The following FAM133B variants were observed in gnomAD, a reference collection of about 807,000 sequenced individuals.
The protein encoded by FAM133B is protein FAM133B.
In FAM133B, 25 loss-of-function variants were observed where a neutral mutation model predicts 46.4. The ratio of observed to expected loss-of-function variants is 0.54; its 90% confidence interval spans 0.39 to 0.75. The LOEUF is 0.75. FAM133B is among the 30% of genes least tolerant of loss of function. The pLI, the probability that FAM133B is intolerant of heterozygous loss-of-function variation, is 0.00. For synonymous variants in FAM133B, 75 were observed against 86.0 expected (o/e 0.87, Z 0.71); for missense variants, 205 against 277.6 (o/e 0.74, Z 1.86).
intron 1 of FAM133B, 158 bp downstream of exon 1, chr7:92,590,110 C>T: frequency 9.5e-7 from 1 of 1,054,362 alleles, no homozygotes; most frequent in Non-Finnish European, 1.4e-6. Context: ...GCGTGCGCGG[C>T]GCACGCGCAT....
chr7:92,581,869 G>A, intron 1 of FAM133B: 1 of 334,914 alleles, frequency 3.0e-6, no homozygotes. Context: ...AGATACCTCT[G>A]ACCTACTGAT....
At chr7:92,568,524 ATT>A (rs745580425) in intron 9 of FAM133B, among the ~76,000 whole-genome samples, 157 of 118,194 alleles carry the variant, frequency 1.3e-3, no homozygotes, top group African/African-American at 3.9e-3. Context: ...CGCCTGGCTA[ATT>A]TTTTTTTTTT....
chr7:92,572,858 T>A (rs1221336284), intron 8 of FAM133B, among the ~76,000 whole-genome samples: 1 of 152,144 alleles, frequency 6.6e-6, no homozygotes, highest in African/African-American at 2.4e-5. Context: ...ATAATTGTGG[T>A]GGATTAATTA....
chr7:92,565,695 C>T (rs372846776), intron 10 of FAM133B: 21 of 256,942 alleles, frequency 8.2e-5, no homozygotes, highest in Middle Eastern at 1.4e-3. Context: ...GAGCTCCTGA[C>T]CTCATGATCC....
In FAM133B at chr7:92,579,887, T is replaced by TTAA. The variant is rs1199050664; in HGVS notation, c.123-495_123-493dup. Among the ~76,000 whole-genome samples, 3 of 152,176 alleles carry TTAA rather than the reference T, an allele frequency of 2.0e-5. No homozygotes were observed. The East Asian group carries it at 5.8e-4, about 29-fold the overall frequency. On this transcript the variant is annotated intron_variant, in intron 2 of 10. Transcript: ENST00000445716. ...ACCTAACATGCTGTGCAGAGAAGAG[T>TTAA]TAATACAGCTCGCCTGACTGCTTAA...
At chr7:92,577,045 CA>C (rs1168343133) in intron 7 of FAM133B, 57 bp downstream of exon 7, 1 of 1,083,554 alleles carries the variant, frequency 9.2e-7, no homozygotes, top group Non-Finnish European at 1.3e-6. Flanking sequence ...CAACTTTAGG[CA>C]GAAAAACTTA....
At chr7:92,564,337 T>C (rs1410936843) in intron 10 of FAM133B, among the ~76,000 whole-genome samples, 1 of 152,226 alleles carries the variant, frequency 6.6e-6, no homozygotes, top group Admixed American at 6.5e-5. Flanking sequence ...TATCATATTC[T>C]TCTATCTCAT....
intron 1 of FAM133B, 103 bp downstream of exon 1, chr7:92,590,165 G>A (rs1033185873): frequency 3.8e-5 from 60 of 1,581,990 alleles, no homozygotes; most frequent in Non-Finnish European, 4.8e-5. Context: ...CCACGTCTGA[G>A]GGCTGCCGCT....
chr7:92,590,078 T>A (rs1368072054), intron 1 of FAM133B, 190 bp downstream of exon 1: 2 of 712,352 alleles, frequency 2.8e-6, no homozygotes, highest in Non-Finnish European at 4.6e-6. Flanking sequence ...AAGAGAGAGC[T>A]GGGAACCCTA....
At position 92,566,177 on chromosome 7, in the gene FAM133B, G is replaced by A. The variant is rs887982508; in HGVS notation, c.610-116C>T. The A allele has an allele frequency of 4.3e-5, 39 of 898,486 alleles. No homozygotes were observed. In the South Asian group the frequency reaches 4.6e-4, roughly 11 times the overall value. The allele number at this position is 898,486 out of a possible 1,614,324, so 55.7% of individuals were successfully genotyped here. A position where few individuals can be genotyped will look rare whatever the true frequency, so the allele number is the denominator to read the frequency against. On this transcript the variant is annotated intron_variant, in intron 9 of 10. Transcript: ENST00000445716. ...AAAATTTAAATGTAAAAAACATTTT[G>A]ACAATCACAGGACATTTAAAATAAC...
chr7:92,575,381 G>C (rs1004950126), intron 8 of FAM133B, among the ~76,000 whole-genome samples: 1 of 152,112 alleles, frequency 6.6e-6, no homozygotes, highest in African/African-American at 2.4e-5. Context: ...GCTGAGGCAG[G>C]AAAATCGCTT....
intron 8 of FAM133B, among the ~76,000 whole-genome samples, chr7:92,570,749 A>C (rs997652121): frequency 2.0e-5 from 3 of 152,168 alleles, no homozygotes; most frequent in Non-Finnish European, 4.4e-5. Context: ...AAAATAAACT[A>C]ACAGTGATGA....
chr7:92,573,784 G>C (rs1031528598), intron 8 of FAM133B, among the ~76,000 whole-genome samples: 1 of 151,504 alleles, frequency 6.6e-6, no homozygotes, highest in Non-Finnish European at 1.5e-5. Context: ...TTCTTTCCTT[G>C]ATCAGTTAAT....
intron 1 of FAM133B, among the ~76,000 whole-genome samples, chr7:92,585,700 A>G (rs920783609): frequency 6.6e-6 from 1 of 152,190 alleles, no homozygotes; most frequent in African/African-American, 2.4e-5. Context: ...AATAACTAAA[A>G]ATTTAAAAAT....
intron 9 of FAM133B, among the ~76,000 whole-genome samples, chr7:92,568,037 A>G (rs1794415549): frequency 6.6e-6 from 1 of 151,956 alleles, no homozygotes; most frequent in Non-Finnish European, 1.5e-5. Flanking sequence ...GTGCTGGGAT[A>G]CAGGCGTGAA....
chr7:92,586,406 T>C (rs1212080215), intron 1 of FAM133B, among the ~76,000 whole-genome samples: 1 of 152,228 alleles, frequency 6.6e-6, no homozygotes, highest in Non-Finnish European at 1.5e-5. Flanking sequence ...GCAACTATTT[T>C]CACAAAGGTA....
chr7:92,565,890 C>A, intron 10 of FAM133B, 124 bp downstream of exon 10: 1 of 1,034,224 alleles, frequency 9.7e-7, no homozygotes, highest in Non-Finnish European at 1.5e-6. Context: ...GCTGAACACA[C>A]CACACCTTTC....
At chr7:92,583,146 T>TA (rs139438847) in intron 1 of FAM133B, among the ~76,000 whole-genome samples, 1 of 152,150 alleles carries the variant, frequency 6.6e-6, no homozygotes, top group Non-Finnish European at 1.5e-5. Flanking sequence ...TATTCAGCCT[T>TA]AAAAAAGAAT....
At chr7:92,573,661 T>C in intron 8 of FAM133B, among the ~76,000 whole-genome samples, 1 of 147,268 alleles carries the variant, frequency 6.8e-6, no homozygotes, top group South Asian at 2.1e-4. Context: ...TCACACATAC[T>C]TTTTTTTTTT....
Sources: allele counts gnomAD v4.1 joint callset (sites outside exome capture counted in the v4.1 genomes callset), GRCh38; gene constraint gnomAD v4.1.1; transcripts MANE v1.5; gene names NCBI Gene and HGNC (gene_info 2026-07-23, HGNC 2026-07-21).